Variants in ADAMTS12 observed in about 807,000 individuals in gnomAD.
The protein encoded by ADAMTS12 is A disintegrin and metalloproteinase with thrombospondin motifs 12.
A neutral mutation model predicts 167.8 loss-of-function variants in ADAMTS12; 118 were observed. The ratio of observed to expected loss-of-function variants is 0.70; its 90% CI spans 0.61 to 0.82. The LOEUF is 0.82. Ranked by LOEUF, ADAMTS12 falls within the 40% of genes least tolerant of loss-of-function variation. The pLI is 0.00. For missense variants in ADAMTS12, 1,916 were observed against 1,998.8 expected (o/e 0.96, Z 0.79); for synonymous variants, 704 against 716.9 (o/e 0.98, Z 0.29).
chr5:33,677,639 G>C (rs1157659810), intron 5 of ADAMTS12, among the ~76,000 whole-genome samples: 1 of 152,146 alleles, frequency 6.6e-6, no homozygotes, highest in African/African-American at 2.4e-5. Context: ...ATAGAATTTG[G>C]GCCATAAAAT....
chr5:33,681,348 T>C (rs904358818), intron 5 of ADAMTS12, among the ~76,000 whole-genome samples: 2 of 152,236 alleles, frequency 1.3e-5, no homozygotes, highest in Admixed American at 6.5e-5. Context: ...TGCAGGTCTC[T>C]TGCTGATGGG....
At chr5:33,697,705 C>A (rs1320313288) in intron 3 of ADAMTS12, among the ~76,000 whole-genome samples, 2 of 152,326 alleles carry the variant, frequency 1.3e-5, no homozygotes, top group East Asian at 3.9e-4. Context: ...GACACCCCTT[C>A]CCCTTTCCTC....
chr5:33,734,756 G>T (rs751910913), intron 3 of ADAMTS12, among the ~76,000 whole-genome samples: 1 of 152,310 alleles, frequency 6.6e-6, no homozygotes, highest in African/African-American at 2.4e-5. Flanking sequence ...GGTGGGTGGG[G>T]GAGGAGGCTG....
intron 2 of ADAMTS12, among the ~76,000 whole-genome samples, chr5:33,777,174 A>T (rs1210520236): frequency 6.6e-6 from 1 of 152,152 alleles, no homozygotes; most frequent in Non-Finnish European, 1.5e-5. Flanking sequence ...AACTCATCGT[A>T]TGTGGCTACT....
At chr5:33,707,497 C>T (rs1002224101) in intron 3 of ADAMTS12, among the ~76,000 whole-genome samples, 1 of 152,134 alleles carries the variant, frequency 6.6e-6, no homozygotes, top group Non-Finnish European at 1.5e-5. Flanking sequence ...ATAGCCAAGA[C>T]AATCCTAAGC....
intron 2 of ADAMTS12, among the ~76,000 whole-genome samples, chr5:33,777,042 C>T (rs749568806): frequency 8.5e-5 from 13 of 152,064 alleles, no homozygotes; most frequent in East Asian, 1.9e-4. Flanking sequence ...AAAAACCTCC[C>T]AACAAAGAAA....
chr5:33,816,817 G>C (rs10941099), intron 2 of ADAMTS12, among the ~76,000 whole-genome samples: 117,834 of 151,796 alleles, frequency 0.78, 46,320 homozygotes, highest in Non-Finnish European at 0.83. Context: ...GGATTGTTCT[G>C]AATCAGATTT....
At chr5:33,789,521 A>G (rs1158698180) in intron 2 of ADAMTS12, among the ~76,000 whole-genome samples, 1 of 152,160 alleles carries the variant, frequency 6.6e-6, no homozygotes, top group Non-Finnish European at 1.5e-5. Flanking sequence ...CACTTCCCTC[A>G]TTGGTCTCTC....
At chr5:33,885,924 C>A (rs1750621035) in intron 1 of ADAMTS12, among the ~76,000 whole-genome samples, 1 of 152,184 alleles carries the variant, frequency 6.6e-6, no homozygotes, top group South Asian at 2.1e-4. Flanking sequence ...TGGTATTCTG[C>A]CATCCAGGCC....
Position 33,741,413 on chromosome 5 carries a change from A to G in ADAMTS12, c.634+9991T>C, listed in dbSNP as rs73759082. ...GCTTGCGTCCAGATTTCTTCTTCTT[A>G]TGAGGGCAAAGTCAAAGCCCACTAT... On this transcript the variant is annotated intron_variant, in intron 3 of 23. Transcript: ENST00000504830. Among the ~76,000 whole-genome samples the G allele has an allele frequency of 6.6e-3, 999 of 152,204 alleles. 11 individuals carry two copies. Among genetic ancestry groups the G allele is most frequent in the African/African-American group, 0.023 (963 of 41,538 alleles).
chr5:33,565,515 GTCATGA>G (rs1300356616), intron 19 of ADAMTS12, among the ~76,000 whole-genome samples: 1 of 152,174 alleles, frequency 6.6e-6, no homozygotes, highest in African/African-American at 2.4e-5. Context: ...ACCAGGCCCT[GTCATGA>G]GGGGGGACTC....
chr5:33,710,052 T>C (rs186082147), intron 3 of ADAMTS12, among the ~76,000 whole-genome samples: 29 of 152,226 alleles, frequency 1.9e-4, no homozygotes, highest in Non-Finnish European at 2.9e-5. Flanking sequence ...ATCTTCAAAA[T>C]AGGTTTAAAA....
chr5:33,879,956 A>G (rs1165660731), intron 2 of ADAMTS12, among the ~76,000 whole-genome samples: 1 of 152,236 alleles, frequency 6.6e-6, no homozygotes, highest in Non-Finnish European at 1.5e-5. Context: ...GCCCTGGCAC[A>G]GGGACCAAGG....
chr5:33,755,339 C>G (rs1745130497), intron 2 of ADAMTS12, among the ~76,000 whole-genome samples: 1 of 152,136 alleles, frequency 6.6e-6, no homozygotes, highest in Non-Finnish European at 1.5e-5. Flanking sequence ...GGGATAAGAC[C>G]AAAGGCTGAG....
Position 33,881,436 on chromosome 5 carries a change from C to A in ADAMTS12, c.172G>T (p.Val58Phe). 1 of 1,613,886 alleles carries A rather than the reference C, an allele frequency of 6.2e-7. No homozygotes were observed. The highest frequency in any genetic ancestry group is 1.7e-4 in the Middle Eastern group (1 of 6,058). The change falls in exon 2 of 24, where the codon GTC becomes TTC. Residue 58 changes from valine to phenylalanine, a missense_variant. Coordinates refer to ENST00000504830, the MANE Select transcript of ADAMTS12 (RefSeq NM_030955.4). ...AAATGCCCACTGGCATCTACTCGGA[C>A]TGGACCCACCACGTGGTATTCTGGC... ...GLPEYHVVGP[V>F]RVDASGHFLS...
At chr5:33,528,627 T>C (rs1052725988) in intron 23 of ADAMTS12, among the ~76,000 whole-genome samples, 2 of 152,194 alleles carry the variant, frequency 1.3e-5, no homozygotes, top group Non-Finnish European at 2.9e-5. Context: ...GAAGAACTTG[T>C]ATAAGGTTGT....
At chr5:33,760,179 A>G (rs1021948133) in intron 2 of ADAMTS12, among the ~76,000 whole-genome samples, 6 of 151,716 alleles carry the variant, frequency 4.0e-5, no homozygotes, top group African/African-American at 1.5e-4. Flanking sequence ...CCCACCCCCA[A>G]CCCCCAAATG....
At chr5:33,578,151 G>A (rs1423364049) in intron 18 of ADAMTS12, among the ~76,000 whole-genome samples, 1 of 152,180 alleles carries the variant, frequency 6.6e-6, no homozygotes, top group Non-Finnish European at 1.5e-5. Flanking sequence ...AGACCACCCA[G>A]GGGTCTTCAC....
chr5:33,565,674 G>GTTTT (rs4049324), intron 19 of ADAMTS12, among the ~76,000 whole-genome samples: 5 of 126,308 alleles, frequency 4.0e-5, no homozygotes, highest in Admixed American at 7.9e-5. Context: ...TTTTTTGTTT[G>GTTTT]TTTTTTTTTT....
Sources: allele counts gnomAD v4.1 joint callset (sites outside exome capture counted in the v4.1 genomes callset), GRCh38; gene constraint gnomAD v4.1.1; transcripts MANE v1.5; gene names NCBI Gene and HGNC (gene_info 2026-07-23, HGNC 2026-07-21).